The following TBC1D22A variants were observed in gnomAD, a reference collection of about 807,000 sequenced individuals.
TBC1D22A encodes putative GTPase activator.
A neutral mutation model predicts 60.2 loss-of-function variants in TBC1D22A; 38 were observed. That is an observed-to-expected ratio of 0.63 (90% CI 0.49 to 0.83). The LOEUF is 0.83. TBC1D22A is among the 40% of genes least tolerant of loss of function. The probability of loss-of-function intolerance (pLI) is 0.00; values close to 1 mark genes in which losing one functional copy is unlikely to be tolerated. For missense variants in TBC1D22A, 628 were observed against 701.0 expected, an observed-to-expected ratio of 0.90 and a Z score of 1.18; for synonymous variants, 302 against 281.7, an observed-to-expected ratio of 1.07 and a Z score of -0.72.
intron 11 of TBC1D22A, among the ~76,000 whole-genome samples, chr22:47,107,868 T>C (rs993181533): frequency 6.6e-6 from 1 of 152,240 alleles, no homozygotes; most frequent in South Asian, 2.1e-4. Context: ...TTTTACCATA[T>C]ACAAAAATTA....
At chr22:47,058,149 G>A (rs914999615) in intron 11 of TBC1D22A, among the ~76,000 whole-genome samples, 4 of 152,202 alleles carry the variant, frequency 2.6e-5, no homozygotes, top group East Asian at 1.9e-4. Flanking sequence ...CTAGCTTCAC[G>A]CCACACCCTG....
rs765124578 is a variant in TBC1D22A at position 47,135,791 on chromosome 22, G to A, written c.1425+24188G>A. The stretch of plus-strand genomic sequence containing the variant: ...GCAGGGCGTGTGCGGAGAGTGCTGT[G>A]TTCATTCGCCCAGCGCTTGTTCACT... On this transcript the variant is annotated intron_variant, in intron 12 of 12. Transcript: ENST00000337137. Among the ~76,000 whole-genome samples the A allele has an allele frequency of 3.9e-4, 60 of 152,280 alleles. 1 individual carries two copies. The highest frequency in any genetic ancestry group is 3.4e-4 in the Non-Finnish European group (23 of 68,054).
intron 12 of TBC1D22A, among the ~76,000 whole-genome samples, chr22:47,144,446 G>A (rs2067217644): frequency 6.6e-6 from 1 of 152,356 alleles, no homozygotes; most frequent in South Asian, 2.1e-4. Context: ...CCACTTTGGG[G>A]GGCCCTGAGG....
Position 47,136,086 on chromosome 22 carries a change from C to T in TBC1D22A, c.1425+24483C>T, listed in dbSNP as rs61449823. On this transcript the variant is annotated intron_variant, in intron 12 of 12. Coordinates refer to ENST00000337137, the MANE Select transcript of TBC1D22A (RefSeq NM_014346.5). ...AGTGGCTGAGGTTCCTAGAACCTCA[C>T]GTACGGAGGGAAGTGAGGCACGATG... Among the ~76,000 whole-genome samples the T allele has an allele frequency of 3.9e-3, 588 of 152,336 alleles. 4 individuals are homozygous for T. Among genetic ancestry groups the T allele is most frequent in the African/African-American group, 0.011 (442 of 41,584 alleles).
chr22:47,162,827 A>G (rs545375139), intron 12 of TBC1D22A, among the ~76,000 whole-genome samples: 1 of 131,732 alleles, frequency 7.6e-6, no homozygotes, highest in Admixed American at 7.4e-5. Context: ...GTGCAGGGAG[A>G]GTCGGGGGAG....
At chr22:46,914,379 G>A (rs2070192131) in intron 8 of TBC1D22A, 1 of 148,846 alleles carries the variant, frequency 6.7e-6, no homozygotes, top group African/African-American at 2.5e-5. Flanking sequence ...AGGTTGCAGT[G>A]AGCCGAGATC....
intron 5 of TBC1D22A, among the ~76,000 whole-genome samples, chr22:46,883,122 A>G (rs565527747): frequency 1.0e-3 from 155 of 152,362 alleles, no homozygotes; most frequent in African/African-American, 3.7e-3. Context: ...GAAACGTGGC[A>G]CAAAAACTAC....
rs1249454934 is a variant in TBC1D22A at position 47,136,341 on chromosome 22, CA to C, written c.1425+24740del. On this transcript the variant is annotated intron_variant, in intron 12 of 12. Coordinates refer to ENST00000337137, the MANE Select transcript of TBC1D22A (RefSeq NM_014346.5). ...CCCCAGGATTCAGCCGGTCTCCCCCCAACCTCAAGATCCTGGGGCTGGCTAC... is the reference window on the plus strand; with the variant it reads ...CCCCAGGATTCAGCCGGTCTCCCCCCACCTCAAGATCCTGGGGCTGGCTAC... Among the ~76,000 whole-genome samples the C allele has an allele frequency of 3.3e-5, 5 of 152,364 alleles. No individual in the cohort carries two copies. In the East Asian group the frequency reaches 7.7e-4, roughly 24 times the overall value.
At chr22:46,897,556 A>AG (rs57258066) in intron 7 of TBC1D22A, among the ~76,000 whole-genome samples, 1 of 150,910 alleles carries the variant, frequency 6.6e-6, no homozygotes, top group African/African-American at 2.4e-5. Flanking sequence ...CACGCAGAAG[A>AG]GGGGTGGATT....
At chr22:46,927,813 A>G in intron 8 of TBC1D22A, among the ~76,000 whole-genome samples, 1 of 152,236 alleles carries the variant, frequency 6.6e-6, no homozygotes, top group Non-Finnish European at 1.5e-5. Context: ...AAATGGAACT[A>G]GGAAAATCCA....
chr22:47,026,928 A>G (rs968733375), intron 10 of TBC1D22A, among the ~76,000 whole-genome samples: 14 of 152,238 alleles, frequency 9.2e-5, no homozygotes, highest in African/African-American at 3.4e-4. Flanking sequence ...AGAATGGCTA[A>G]AACAACACAG....
intron 12 of TBC1D22A, among the ~76,000 whole-genome samples, chr22:47,145,031 G>A (rs550104435): frequency 1.6e-3 from 239 of 152,380 alleles, no homozygotes; most frequent in African/African-American, 5.4e-3. Context: ...GGTGGCAGAC[G>A]TTAATAAGCG....
intron 4 of TBC1D22A, among the ~76,000 whole-genome samples, chr22:46,874,904 C>T (rs994058623): frequency 6.6e-6 from 1 of 152,120 alleles, no homozygotes; most frequent in Non-Finnish European, 1.5e-5. Context: ...TGTCCTTTGC[C>T]CCCTGTTTAA....
At chr22:47,166,370 A>G (rs1479023565) in intron 12 of TBC1D22A, among the ~76,000 whole-genome samples, 1 of 152,270 alleles carries the variant, frequency 6.6e-6, no homozygotes, top group Non-Finnish European at 1.5e-5. Context: ...GGTGTCATTA[A>G]TTTTAATAAA....
Position 46,990,699 on chromosome 22 carries a change from AC to A in TBC1D22A, c.1126-6933del, listed in dbSNP as rs1323958331. ...GGCTTTTTACTGTCTCCATAGTTTC[AC>A]CTTTGCCAGAATGTGACTTAGTTGA... On this transcript the variant is annotated intron_variant, in intron 9 of 12. Coordinates refer to ENST00000337137, the MANE Select transcript of TBC1D22A (RefSeq NM_014346.5). The surrounding 1 kb of genome is among the most constrained non-coding windows in gnomAD (Gnocchi z 4.6). Among the ~76,000 whole-genome samples the A allele has an allele frequency of 6.6e-6, 1 of 151,630 alleles. No individual in the cohort carries two copies. The highest frequency in any genetic ancestry group is 1.5e-5 in the Non-Finnish European group (1 of 67,974).
intron 7 of TBC1D22A, among the ~76,000 whole-genome samples, chr22:46,895,192 C>A (rs535646867): frequency 6.6e-6 from 1 of 152,058 alleles, no homozygotes; most frequent in African/African-American, 2.4e-5. Context: ...GCACCAAGGC[C>A]GCTTGTGTAT....
rs561547667 is a variant in TBC1D22A at position 46,941,810 on chromosome 22, G to T, written c.1015+29622G>T. On this transcript the variant is annotated intron_variant, in intron 8 of 12. Coordinates refer to ENST00000337137, the MANE Select transcript of TBC1D22A (RefSeq NM_014346.5). ...ATATAGAATATATAGAATATATATA[G>T]AATATATATAGAATATATAGAATAA... 1.5e-3 allele frequency among the ~76,000 whole-genome samples: 203 copies of T among 132,276 alleles called. 3 individuals carry two copies. The highest frequency in any genetic ancestry group is 6.3e-3 in the African/African-American group (198 of 31,646). The allele number at this position is 132,276 out of a possible 152,430, so 86.8% of individuals were successfully genotyped here.
chr22:47,070,345 CG>C (rs1347498188), intron 11 of TBC1D22A, among the ~76,000 whole-genome samples: 1 of 145,934 alleles, frequency 6.9e-6, no homozygotes, highest in Admixed American at 6.9e-5. Context: ...TTGGTTGGAG[CG>C]GGGCTGACCT....
chr22:46,932,889 T>C (rs1278883833), intron 8 of TBC1D22A, among the ~76,000 whole-genome samples: 3 of 152,092 alleles, frequency 2.0e-5, no homozygotes, highest in Non-Finnish European at 2.9e-5. Context: ...CACGCCTGGC[T>C]AATTTTTTTA....
Sources: gnomAD v4.1 joint callset for allele counts (sites outside exome capture counted in the v4.1 genomes callset) on GRCh38, gnomAD v4.1.1 for gene constraint, Gnocchi (gnomAD v3.1) non-coding constraint, MANE v1.5 for transcripts, NCBI Gene and HGNC (gene_info 2026-07-23, HGNC 2026-07-21) for gene names.